The following KCNS3 variants were observed in gnomAD, a reference collection of about 807,000 sequenced individuals.
KCNS3 encodes potassium voltage-gated channel modifier subfamily S member 3, also known as delayed-rectifier potassium channel regulatory subunit KCNS3.
KCNS3 carries 13 observed loss-of-function variants against 31.0 expected under a neutral mutation model. The observed-to-expected ratio is 0.42, with a 90% CI of 0.27 to 0.67. The LOEUF is 0.67. Among genes scored for constraint, KCNS3 ranks in the 30% least tolerant of loss-of-function variants. The pLI, the probability that KCNS3 is intolerant of heterozygous loss-of-function variation, is 0.25. For missense variants in KCNS3, 545 were observed against 622.4 expected (o/e 0.88, Z 1.32); for synonymous variants, 238 against 241.5 (o/e 0.99, Z 0.13).
At chr2:17,929,478 G>T (rs1662908435) in intron 2 of KCNS3, among the ~76,000 whole-genome samples, 2 of 152,158 alleles carry the variant, frequency 1.3e-5, no homozygotes, top group African/African-American at 4.8e-5. Context: ...CTTGGGGGAT[G>T]ATGCTAAGCC....
intron 2 of KCNS3, among the ~76,000 whole-genome samples, chr2:17,930,130 A>G (rs1475479217): frequency 6.6e-6 from 1 of 152,160 alleles, no homozygotes; most frequent in Non-Finnish European, 1.5e-5. Flanking sequence ...CAATCTATGG[A>G]AAGATAATTA....
chr2:17,908,444 C>A (rs936605028), intron 1 of KCNS3, among the ~76,000 whole-genome samples: 1 of 152,252 alleles, frequency 6.6e-6, no homozygotes, highest in Non-Finnish European at 1.5e-5. Flanking sequence ...TCGTCTGAAG[C>A]CTTCTTTTCT....
At chr2:17,913,861 T>C (rs138359573) in intron 1 of KCNS3, among the ~76,000 whole-genome samples, 21 of 152,238 alleles carry the variant, frequency 1.4e-4, no homozygotes, top group African/African-American at 4.6e-4. Context: ...TGGCATCTAG[T>C]AGATGAAGGC....
intron 1 of KCNS3, among the ~76,000 whole-genome samples, chr2:17,915,679 A>G (rs545102112): frequency 6.6e-5 from 10 of 152,204 alleles, no homozygotes; most frequent in African/African-American, 2.4e-4. Flanking sequence ...TAAAAATCCT[A>G]AAAAGGTGCT....
At position 17,907,734 on chromosome 2, in the gene KCNS3, G is replaced by T. The variant is rs1045829855; in HGVS notation, c.-251-9946G>T. 2.0e-5 allele frequency among the ~76,000 whole-genome samples: 3 copies of T among 152,090 alleles called. No individual in the cohort carries two copies. In the East Asian group the frequency reaches 5.8e-4, roughly 29 times the overall value. Reference sequence around the variant, plus strand: ...TCGCTTAAGAAGCTTAGTTTGGCTGGATATGAAATTCTGGGTTGAAAATTC... The same window carrying T: ...TCGCTTAAGAAGCTTAGTTTGGCTGTATATGAAATTCTGGGTTGAAAATTC... On this transcript the variant is annotated intron_variant, in intron 1 of 2. Transcript: ENST00000304101.
In KCNS3 at chr2:17,931,513, A is replaced by G; in HGVS notation, c.505A>G (p.Lys169Glu). 6.2e-7 allele frequency: 1 copy of G among 1,614,178 alleles called. No homozygotes were observed. Among genetic ancestry groups the G allele is most frequent in the Non-Finnish European group, 8.5e-7 (1 of 1,180,030 alleles). ...CACACTGCGATTTGGTCAGCTCCGG[A>G]AGAAAATCTGGATTAGAATGGAGAA... ...FDTLRFGQLRKKIWIRMENPA... is the reference protein window; with the variant it reads ...FDTLRFGQLREKIWIRMENPA... Residue 169 changes from lysine to glutamate, a missense_variant, in exon 3 of 3, where the codon AAG becomes GAG. Lys to Glu is a moderately conservative substitution (Grantham distance 56). Transcript: ENST00000304101. This position sits in a 1 kb window ranked among gnomAD's most constrained non-coding sequence, Gnocchi z 5.4.
chr2:17,921,576 A>C (rs1662703491), intron 2 of KCNS3, among the ~76,000 whole-genome samples: 1 of 152,010 alleles, frequency 6.6e-6, no homozygotes. Context: ...GGTTTAATTG[A>C]TTAAGAGTTC....
intron 1 of KCNS3, among the ~76,000 whole-genome samples, chr2:17,915,051 C>G (rs745512814): frequency 6.6e-6 from 1 of 152,188 alleles, no homozygotes; most frequent in African/African-American, 2.4e-5. Flanking sequence ...TTAGTCATTA[C>G]CTTTTCCCTC....
rs765521180 is a variant in KCNS3, at chr2:17,931,219, C to A, written c.211C>A (p.Arg71=). 5.3e-5 allele frequency: 85 copies of A among 1,613,970 alleles called. No individual in the cohort carries two copies. The highest frequency in any genetic ancestry group is 6.4e-5 in the Non-Finnish European group (75 of 1,180,000). The stretch of plus-strand genomic sequence containing the variant: ...GGCCGATAAGGAGTACTACTTTGAT[C>A]GGAATCCCTCCTTGTTCAGATATGT... ...SVADKEYYFD[R]NPSLFRYVLN... is the part of the protein sequence containing the mutation. Residue 71 remains arginine, a synonymous_variant, in exon 3 of 3, where the codon CGG becomes AGG. Transcript: ENST00000304101. This position sits in a 1 kb window ranked among gnomAD's most constrained non-coding sequence, Gnocchi z 5.4.
intron 2 of KCNS3, among the ~76,000 whole-genome samples, chr2:17,926,954 A>T (rs1277388582): frequency 1.3e-5 from 2 of 152,208 alleles, no homozygotes; most frequent in Non-Finnish European, 2.9e-5. Flanking sequence ...CCAAACCTTT[A>T]TGCTCTGCTT....
chr2:17,913,351 G>A (rs1408852173), intron 1 of KCNS3, among the ~76,000 whole-genome samples: 2 of 152,274 alleles, frequency 1.3e-5, no homozygotes, highest in African/African-American at 4.8e-5. Flanking sequence ...ACTTCGGTCA[G>A]GAGTGGGCGT....
intron 1 of KCNS3, among the ~76,000 whole-genome samples, chr2:17,909,582 A>G (rs1046765145): frequency 5.9e-5 from 9 of 152,142 alleles, no homozygotes; most frequent in African/African-American, 2.2e-4. Flanking sequence ...AGCTGTTCCT[A>G]TTCAGCCATC....
Position 17,931,741 on chromosome 2 carries a change from C to G in KCNS3, c.733C>G (p.Pro245Ala). ...GELAVRLAAAPCQKKFWKNPL... is the reference protein window; with the variant it reads ...GELAVRLAAAACQKKFWKNPL... ...GCTTGCCGTCCGGCTGGCTGCCGCT[C>G]CTTGTCAAAAGAAATTCTGGAAAAA... Residue 245 changes from proline (P) to alanine (A), a missense_variant, in exon 3 of 3, where the codon CCT becomes GCT. Transcript: ENST00000304101. The surrounding 1 kb of genome is among the most constrained non-coding windows in gnomAD (Gnocchi z 5.4). The G allele has an allele frequency of 6.2e-7, 1 of 1,613,914 alleles. No individual in the cohort carries two copies. The highest frequency in any genetic ancestry group is 2.2e-5 in the East Asian group (1 of 44,870).
chr2:17,884,974 A>AT (rs1431918312), intron 1 of KCNS3, among the ~76,000 whole-genome samples: 2 of 127,334 alleles, frequency 1.6e-5, no homozygotes, highest in Admixed American at 8.0e-5. Context: ...TGATTTTATA[A>AT]TTTTTTTAAA....
At chr2:17,929,657 G>GGTAA (rs1662912186) in intron 2 of KCNS3, among the ~76,000 whole-genome samples, 1 of 152,162 alleles carries the variant, frequency 6.6e-6, no homozygotes, top group Non-Finnish European at 1.5e-5. Context: ...AGCTTCTCCA[G>GGTAA]GTAAGGTCAC....
chr2:17,911,339 G>C (rs1234347937), intron 1 of KCNS3, among the ~76,000 whole-genome samples: 2 of 152,216 alleles, frequency 1.3e-5, no homozygotes, highest in Non-Finnish European at 2.9e-5. Context: ...TGAATGAATA[G>C]CATTAGCTCA....
At chr2:17,930,141 T>G (rs957018355) in intron 2 of KCNS3, among the ~76,000 whole-genome samples, 3 of 152,100 alleles carry the variant, frequency 2.0e-5, no homozygotes, top group Non-Finnish European at 4.4e-5. Flanking sequence ...AAGATAATTA[T>G]AGATTAGGGC....
chr2:17,932,603 G>T lies in KCNS3; in HGVS notation c.*119G>T, dbSNP rs1428525516. On this transcript the variant is annotated 3_prime_UTR_variant, in exon 3 of 3. Transcript: ENST00000304101. ...TCTCAGGGTGTACCTTTCAGCCATA[G>T]TTGGACATTCATTGCTGAATTCTGA... is the stretch of plus-strand genomic sequence containing the variant. 2 of 1,074,214 alleles carry T rather than the reference G, an allele frequency of 1.9e-6. No homozygotes were observed. Among genetic ancestry groups the T allele is most frequent in the Non-Finnish European group, 1.3e-6 (1 of 750,202 alleles). The allele number at this position is 1,074,214 out of a possible 1,614,324, so 66.5% of individuals were successfully genotyped here.
chr2:17,929,833 C>A (rs1662915015), intron 2 of KCNS3, among the ~76,000 whole-genome samples: 1 of 152,218 alleles, frequency 6.6e-6, no homozygotes, highest in African/African-American at 2.4e-5. Context: ...TTGGCTCCAT[C>A]ATTTACCTAT....
Sources: gnomAD v4.1 joint callset for allele counts (sites outside exome capture counted in the v4.1 genomes callset) on GRCh38, gnomAD v4.1.1 for gene constraint, Gnocchi (gnomAD v3.1) non-coding constraint, MANE v1.5 for transcripts, NCBI Gene and HGNC (gene_info 2026-07-23, HGNC 2026-07-21) for gene names.